EBPL: variants seen among roughly 807,000 people sequenced by gnomAD.
EBPL encodes the protein EBP like.
In EBPL, 20 loss-of-function variants were observed where a neutral mutation model predicts 19.0. The observed-to-expected ratio is 1.05, with a 90% CI of 0.74 to 1.53. The LOEUF is 1.53. EBPL is among the 40% of genes most tolerant of loss of function. The pLI is 0.00. For synonymous variants in EBPL, 107 were observed against 117.0 expected (o/e 0.91, Z 0.55); for missense variants, 219 against 261.1 (o/e 0.84, Z 1.11).
intron 1 of EBPL, among the ~76,000 whole-genome samples, chr13:49,681,221 T>C (rs1303907642): frequency 6.6e-6 from 1 of 152,214 alleles, no homozygotes; most frequent in Non-Finnish European, 1.5e-5. Flanking sequence ...AAAATCAGCT[T>C]AAAAATTAAA....
chr13:49,683,883 T>C (rs1054795387), intron 1 of EBPL, among the ~76,000 whole-genome samples: 5 of 152,186 alleles, frequency 3.3e-5, no homozygotes, highest in African/African-American at 4.8e-5. Flanking sequence ...TGGATGCAGA[T>C]ATCTATTAGC....
At chr13:49,676,781 A>T (rs982529591) in intron 1 of EBPL, among the ~76,000 whole-genome samples, 43 of 152,134 alleles carry the variant, frequency 2.8e-4, no homozygotes, top group Admixed American at 6.5e-5. Flanking sequence ...GGTTGATTAC[A>T]TGCAATAAAC....
intron 3 of EBPL, chr13:49,661,934 A>G: frequency 6.5e-7 from 1 of 1,548,822 alleles, no homozygotes; most frequent in Non-Finnish European, 8.7e-7. Flanking sequence ...GTCCCTAAGG[A>G]AAGAAAAGGA....
chr13:49,661,353 T>C (rs1965145585), intron 3 of EBPL, 145 bp from the exon 4 acceptor site: 1 of 674,326 alleles, frequency 1.5e-6, no homozygotes, highest in Admixed American at 2.8e-5. Flanking sequence ...TGGGTGGTGC[T>C]ATTTTGATGG....
chr13:49,671,581 A>G (rs1953817174), intron 1 of EBPL, among the ~76,000 whole-genome samples: 1 of 152,228 alleles, frequency 6.6e-6, no homozygotes, highest in Admixed American at 6.5e-5. Flanking sequence ...GCAGAGCCAT[A>G]GGGTGAAATC....
intron 2 of EBPL, among the ~76,000 whole-genome samples, chr13:49,667,042 T>C (rs943569175): frequency 1.3e-5 from 2 of 152,010 alleles, no homozygotes; most frequent in African/African-American, 4.8e-5. Context: ...CGTGTCTGAA[T>C]CTACAGACAG....
chr13:49,662,061 G>A (rs888151855), intron 3 of EBPL: 4 of 770,256 alleles, frequency 5.2e-6, no homozygotes, highest in East Asian at 2.7e-5. Flanking sequence ...TGGCACGAAC[G>A]TGGCTCACTG....
rs367558500 is a variant in EBPL, at chr13:49,663,118, C to A, written c.319G>T (p.Ala107Ser). Reference sequence around the variant, plus strand: ...AACAATGCCAGAGACCCATCCAGGGCGACGGTCAGAATTTCCACAGACACA... The same window carrying A: ...AACAATGCCAGAGACCCATCCAGGGAGACGGTCAGAATTTCCACAGACACA... The part of the protein sequence containing the change: ...TIVSVEILTV[A>S]LDGSLALFLI... The change falls in exon 3 of 4, where the codon GCC (alanine) becomes TCC (serine). Residue 107 changes from alanine to serine, a missense_variant. By Grantham distance (99) the Ala-to-Ser change is moderately conservative. Around this residue, in one of 2 missense-constraint regions of EBPL, gnomAD observed 170 missense variants for 167.0 expected, o/e 1.02. Transcript: ENST00000242827. 38 of 1,614,028 alleles carry A rather than the reference C, an allele frequency of 2.4e-5. 1 individual carries two copies. In the Middle Eastern group the frequency reaches 1.3e-3, roughly 56 times the overall value.
At chr13:49,661,725 G>A (rs752349320) in intron 3 of EBPL, 88 of 1,452,616 alleles carry the variant, frequency 6.1e-5, no homozygotes, top group Non-Finnish European at 7.6e-5. Flanking sequence ...CCAGCGTCAT[G>A]GAGTGAAAAA....
intron 2 of EBPL, among the ~76,000 whole-genome samples, chr13:49,664,351 G>A (rs1262594876): frequency 1.3e-5 from 2 of 152,142 alleles, no homozygotes; most frequent in East Asian, 1.9e-4. Context: ...AGAATGAATC[G>A]GAGTGGGCAG....
chr13:49,661,684 A>G (rs1298933411), intron 3 of EBPL: 15 of 930,558 alleles, frequency 1.6e-5, no homozygotes, highest in Admixed American at 1.2e-4. Flanking sequence ...TTAAAATAAT[A>G]AACACATGGG....
rs1224283051 is a variant in EBPL at position 49,679,361 on chromosome 13, A to G, written c.172-9515T>C. On this transcript the variant is annotated intron_variant, in intron 1 of 3. Coordinates refer to ENST00000242827, the MANE Select transcript of EBPL (RefSeq NM_032565.5). ...ACTAAGATTCATGTTTGAGCTCAAC[A>G]AGCACTGAGGATCTAAGGATCAGAT... 1.6e-4 allele frequency among the ~76,000 whole-genome samples: 24 copies of G among 152,206 alleles called. 1 individual carries two copies. Among genetic ancestry groups the G allele is most frequent in the Non-Finnish European group, 2.9e-5 (2 of 68,028 alleles).
intron 1 of EBPL, among the ~76,000 whole-genome samples, chr13:49,687,836 T>C (rs6561554): frequency 0.36 from 53,952 of 151,854 alleles, 9,979 homozygotes; most frequent in Non-Finnish European, 0.42. Flanking sequence ...TTGGGTAAAA[T>C]CTCGGACGCT....
chr13:49,660,889 A>G lies in EBPL; in HGVS notation c.*79T>C. 1.6e-6 allele frequency: 2 copies of G among 1,241,206 alleles called. No individual in the cohort carries two copies. The highest frequency in any genetic ancestry group is 2.3e-6 in the Non-Finnish European group (2 of 872,262). 76.9% of individuals were successfully genotyped at this position (1,241,206 alleles called of 1,614,324 possible). On this transcript the variant is annotated 3_prime_UTR_variant, in exon 4 of 4. Transcript: ENST00000242827. The stretch of plus-strand genomic sequence containing the variant: ...AAAAACAAAGTGTAGACTGGAATGT[A>G]TTACATTTTGGCCAAACAAAAAGAT...
intron 1 of EBPL, among the ~76,000 whole-genome samples, chr13:49,671,327 T>C (rs7329456): frequency 0.47 from 71,269 of 151,832 alleles, 18,602 homozygotes; most frequent in Non-Finnish European, 0.6. Context: ...TTAGTAGAGA[T>C]GGGATTTCAC....
At chr13:49,667,918 G>A (rs1953756385) in intron 2 of EBPL, among the ~76,000 whole-genome samples, 1 of 152,216 alleles carries the variant, frequency 6.6e-6, no homozygotes, top group African/African-American at 2.4e-5. Flanking sequence ...GGGCAGCCAG[G>A]GGAGGAGGTG....
At chr13:49,676,367 G>A (rs570263897) in intron 1 of EBPL, among the ~76,000 whole-genome samples, 5 of 152,226 alleles carry the variant, frequency 3.3e-5, no homozygotes, top group African/African-American at 9.6e-5. Context: ...TGAGGCGGAC[G>A]GACCACAAGG....
intron 1 of EBPL, among the ~76,000 whole-genome samples, chr13:49,673,173 A>C (rs578017494): frequency 1.3e-5 from 2 of 152,332 alleles, no homozygotes; most frequent in Admixed American, 6.5e-5. Flanking sequence ...AACTGAAACA[A>C]ACACAGATTT....
chr13:49,689,583 G>A (rs1231335580), intron 1 of EBPL, among the ~76,000 whole-genome samples: 2 of 151,970 alleles, frequency 1.3e-5, no homozygotes, highest in South Asian at 2.1e-4. Context: ...TCCTGACCTC[G>A]TGATCCACCC....
Sources: allele counts gnomAD v4.1 joint callset (sites outside exome capture counted in the v4.1 genomes callset), GRCh38; gene constraint gnomAD v4.1.1; regional missense constraint gnomAD v4.1.1; transcripts MANE v1.5; gene names NCBI Gene and HGNC (gene_info 2026-07-23, HGNC 2026-07-21).